The following PCDHA6 variants were observed in gnomAD, a reference collection of about 807,000 sequenced individuals.
PCDHA6 encodes the protein protocadherin alpha 6, also known as protocadherin alpha-6.
Under a neutral mutation model 60.3 loss-of-function variants are expected in PCDHA6, and 55 were observed. The observed-to-expected ratio is 0.91, with a 90% CI of 0.73 to 1.14. PCDHA6 has a LOEUF of 1.14. PCDHA6 is among the 50% of genes most tolerant of loss of function. PCDHA6 has a pLI of 0.00. For synonymous variants in PCDHA6, 652 were observed against 557.9 expected, an observed-to-expected ratio of 1.17 and a Z score of -2.38; for missense variants, 1,327 against 1,256.5, an observed-to-expected ratio of 1.06 and a Z score of -0.85.
intron 1 of PCDHA6, among the ~76,000 whole-genome samples, chr5:140,874,443 C>G (rs1554167205): frequency 6.6e-6 from 1 of 152,208 alleles, no homozygotes; most frequent in Non-Finnish European, 1.5e-5. Context: ...GTCCTAACTA[C>G]TAAATGACCT....
At chr5:140,969,775 G>A (rs879968185) in intron 1 of PCDHA6, among the ~76,000 whole-genome samples, 9 of 152,174 alleles carry the variant, frequency 5.9e-5, no homozygotes, top group Admixed American at 5.9e-4. Flanking sequence ...GCCTCTAGGG[G>A]CTATCATAGT....
Position 140,949,361 on chromosome 5 carries a change from G to C in PCDHA6, c.2395-29588G>C, listed in dbSNP as rs150004166. 4.9e-3 allele frequency among the ~76,000 whole-genome samples: 749 copies of C among 151,546 alleles called. 8 individuals are homozygous for C. The highest frequency in any genetic ancestry group is 0.017 in the African/African-American group (722 of 41,420). On this transcript the variant is annotated intron_variant, in intron 1 of 3. Coordinates refer to ENST00000529310, the MANE Select transcript of PCDHA6 (RefSeq NM_018909.4). ...AGATTTTCTGTGTCTTTATTTTTTT[G>C]TCTAGTTGTCCTATCAATTGCTCAG...
chr5:140,983,429 T>G (rs2097050099), intron 3 of PCDHA6, among the ~76,000 whole-genome samples: 1 of 152,214 alleles, frequency 6.6e-6, no homozygotes, highest in South Asian at 2.1e-4. Flanking sequence ...AGACCACAAA[T>G]TGTGTCTACT....
At chr5:140,911,968 T>A (rs1554195054) in intron 1 of PCDHA6, among the ~76,000 whole-genome samples, 2 of 152,138 alleles carry the variant, frequency 1.3e-5, no homozygotes, top group East Asian at 3.9e-4. Flanking sequence ...TAAGGAGTAT[T>A]AACTCACATG....
chr5:140,884,792 G>A, intron 1 of PCDHA6: 1 of 1,312,776 alleles, frequency 7.6e-7, no homozygotes. Flanking sequence ...AGTTGTTATC[G>A]AATTTAACAA....
At chr5:140,918,027 G>C (rs782291548) in intron 1 of PCDHA6, among the ~76,000 whole-genome samples, 2 of 152,108 alleles carry the variant, frequency 1.3e-5, no homozygotes, top group East Asian at 3.8e-4. Context: ...ACCCATGAGC[G>C]TGGAAGGTCT....
In PCDHA6 at chr5:140,857,092, G is replaced by A; in HGVS notation, c.2394+26607G>A. On this transcript the variant is annotated intron_variant, in intron 1 of 3. Coordinates refer to ENST00000529310, the MANE Select transcript of PCDHA6 (RefSeq NM_018909.4). ...TGGATGAAAATGATAATTCACCTGA[G>A]GTGATTGTCACTTCTCTGTCTCTCC... 5 of 1,597,300 alleles carry A rather than the reference G, an allele frequency of 3.1e-6. 1 individual carries two copies. Among genetic ancestry groups the A allele is most frequent in the Non-Finnish European group, 4.3e-6 (5 of 1,166,936 alleles).
intron 1 of PCDHA6, chr5:140,967,799 A>G: frequency 1.2e-6 from 2 of 1,614,190 alleles, no homozygotes; most frequent in Non-Finnish European, 1.7e-6. Context: ...TCCAGTGCCC[A>G]TGGCAGGTCA....
chr5:140,915,132 AGAGAC>A (rs1406752818), intron 1 of PCDHA6, among the ~76,000 whole-genome samples: 1 of 151,994 alleles, frequency 6.6e-6, no homozygotes, highest in Non-Finnish European at 1.5e-5. Flanking sequence ...TATTTTTAGT[AGAGAC>A]GGGGTTTCAC....
intron 1 of PCDHA6, among the ~76,000 whole-genome samples, chr5:140,939,868 T>C (rs868982739): frequency 2.6e-5 from 4 of 152,340 alleles, no homozygotes; most frequent in Middle Eastern, 6.8e-3. Flanking sequence ...CATTAGGTCA[T>C]CTTTGCTAGT....
chr5:140,929,698 G>A (rs2086308201), intron 1 of PCDHA6: 1 of 263,620 alleles, frequency 3.8e-6, no homozygotes, highest in Non-Finnish European at 7.5e-6. Flanking sequence ...TGCTTTATAT[G>A]AATATAATAT....
In PCDHA6 at chr5:140,849,843, G is replaced by A. The variant is rs2150453087; in HGVS notation, c.2394+19358G>A. 8 of 1,598,500 alleles carry A rather than the reference G, an allele frequency of 5.0e-6. 1 individual carries two copies. The highest frequency in any genetic ancestry group is 3.3e-5 in the South Asian group (3 of 90,550). On this transcript the variant is annotated intron_variant, in intron 1 of 3. Transcript: ENST00000529310. Reference sequence around the variant, plus strand: ...GTCTGTGGAGGTGGCCGACGTGAACGACAACGCACCAGCGTTCGCGCAGTC... The same window carrying A: ...GTCTGTGGAGGTGGCCGACGTGAACAACAACGCACCAGCGTTCGCGCAGTC...
chr5:140,955,171 C>G (rs887184603), intron 1 of PCDHA6, among the ~76,000 whole-genome samples: 2 of 152,158 alleles, frequency 1.3e-5, no homozygotes, highest in African/African-American at 2.4e-5. Context: ...GTTTTGGTTA[C>G]TGTAGTTTTG....
At position 140,978,971 on chromosome 5, in the gene PCDHA6, G is replaced by T. The variant is rs782774245; in HGVS notation, c.2417G>T (p.Trp806Leu). Residue 806 changes from tryptophan (W) to leucine (L), a missense_variant, in exon 2 of 4, where the codon TGG becomes TTG. Physicochemically the swap from Trp to Leu is moderately conservative, Grantham distance 61 (BLOSUM62 -2). Coordinates refer to ENST00000529310, the MANE Select transcript of PCDHA6 (RefSeq NM_018909.4). ...DAKPRQPNPD[W>L]RYSASLRAGM... is the part of the protein sequence containing the mutation. ...CAGCCACGACAGCCCAACCCTGACT[G>T]GCGTTACTCTGCCTCCCTGAGAGCA... The T allele has an allele frequency of 6.2e-7, 1 of 1,614,170 alleles. No individual in the cohort carries two copies. The highest frequency in any genetic ancestry group is 1.1e-5 in the South Asian group (1 of 91,076).
At position 140,982,527 on chromosome 5, in the gene PCDHA6, G is replaced by A. The variant is rs2096986081; in HGVS notation, c.2506G>A (p.Asp836Asn). ...TCTACGGGCTGGTCCAGGAGGGCCT[G>A]ATCAGCAGTGGCCAACAGTATCCAG... is the stretch of plus-strand genomic sequence containing the variant. ...GILRAGPGGP[D>N]QQWPTVSSAT... is the part of the protein sequence containing the mutation. Residue 836 changes from aspartate to asparagine, a missense_variant, in exon 3 of 4, where the codon GAT becomes AAT. By Grantham distance (23) the Asp-to-Asn change is conservative. Coordinates refer to ENST00000529310, the MANE Select transcript of PCDHA6 (RefSeq NM_018909.4). 1 of 1,614,218 alleles carries A rather than the reference G, an allele frequency of 6.2e-7. No individual in the cohort carries two copies. Among genetic ancestry groups the A allele is most frequent in the Admixed American group, 1.7e-5 (1 of 60,034 alleles).
chr5:140,869,614 A>T lies in PCDHA6; in HGVS notation c.2394+39129A>T, dbSNP rs1554163296. ...TGAAGAGAATGCTCTATTGACCTACAGGCTAAGTAAAAATGAGTATTTTTC... is the reference window on the plus strand; with the variant it reads ...TGAAGAGAATGCTCTATTGACCTACTGGCTAAGTAAAAATGAGTATTTTTC... On this transcript the variant is annotated intron_variant, in intron 1 of 3. Transcript: ENST00000529310. 2 of 1,613,940 alleles carry T rather than the reference A, an allele frequency of 1.2e-6. No homozygotes were observed. The highest frequency in any genetic ancestry group is 4.5e-5 in the East Asian group (2 of 44,886).
At chr5:140,833,358 C>G (rs1772420671) in intron 1 of PCDHA6, among the ~76,000 whole-genome samples, 1 of 152,128 alleles carries the variant, frequency 6.6e-6, no homozygotes, top group Non-Finnish European at 1.5e-5. Flanking sequence ...AAAACGAACA[C>G]AGTAAGGTAG....
chr5:140,875,378 T>C (rs758524366), intron 1 of PCDHA6: 85 of 1,458,484 alleles, frequency 5.8e-5, no homozygotes, highest in Non-Finnish European at 7.4e-5. Context: ...TTACTAAATA[T>C]GTACTTACAG....
At chr5:140,997,563 A>G (rs891862395) in intron 3 of PCDHA6, among the ~76,000 whole-genome samples, 7 of 152,202 alleles carry the variant, frequency 4.6e-5, no homozygotes, top group Non-Finnish European at 8.8e-5. Context: ...GACAACTGTC[A>G]TATGTGTGGT....
Sources: gnomAD v4.1 joint callset for allele counts (sites outside exome capture counted in the v4.1 genomes callset) on GRCh38, gnomAD v4.1.1 for gene constraint, MANE v1.5 for transcripts, NCBI Gene and HGNC (gene_info 2026-07-23, HGNC 2026-07-21) for gene names.